The following NCAN variants were observed in gnomAD, a reference collection of about 807,000 sequenced individuals.
NCAN encodes the protein neurocan core protein.
In NCAN, 47 loss-of-function variants were observed where a neutral mutation model predicts 121.8. That is an observed-to-expected ratio of 0.39 (90% CI 0.31 to 0.49). NCAN has a LOEUF of 0.49. Among genes scored for constraint, NCAN ranks in the 20% least tolerant of loss-of-function variants. The pLI is 0.92. For missense variants in NCAN, 1,517 were observed against 1,773.4 expected (o/e 0.86, Z 2.60); for synonymous variants, 633 against 702.0 (o/e 0.90, Z 1.55).
chr19:19,235,030 A>G lies in NCAN; in HGVS notation c.3184A>G (p.Ile1062Val). Reference sequence around the variant, plus strand: ...CCCCTGTGAGAATGGAGGCACCTGTATTGATGAGGTCAATGGCTTTGTCTG... The same window carrying G: ...CCCCTGTGAGAATGGAGGCACCTGTGTTGATGAGGTCAATGGCTTTGTCTG... ...CSPCENGGTC[I>V]DEVNGFVCLC... Residue 1062 changes from isoleucine to valine, a missense_variant, in exon 10 of 15, where the codon ATT (isoleucine) becomes GTT (valine). Ile to Val is a conservative substitution (Grantham distance 29). Transcript: ENST00000252575. 6.2e-7 allele frequency: 1 copy of G among 1,613,264 alleles called. No homozygotes were observed. The highest frequency in any genetic ancestry group is 8.5e-7 in the Non-Finnish European group (1 of 1,179,386).
chr19:19,226,906 C>T lies in NCAN; in HGVS notation c.1493C>T (p.Pro498Leu), dbSNP rs1184953207. The change falls in exon 7 of 15, where the codon CCG becomes CTG. Residue 498 changes from proline (P) to leucine (L), a missense_variant. Coordinates refer to ENST00000252575, the MANE Select transcript of NCAN (RefSeq NM_004386.3). The part of the protein sequence containing the change: ...GRYFQQQEPE[P>L]GLQGGMEASA... Reference sequence around the variant, plus strand: ...TACTTCCAGCAGCAGGAACCGGAGCCGGGGCTGCAAGGGGGGATGGAGGCC... The same window carrying T: ...TACTTCCAGCAGCAGGAACCGGAGCTGGGGCTGCAAGGGGGGATGGAGGCC... 36 of 1,605,864 alleles carry T rather than the reference C, an allele frequency of 2.2e-5. No homozygotes were observed. The highest frequency in any genetic ancestry group is 1.7e-4 in the Middle Eastern group (1 of 5,964).
At chr19:19,233,570 G>A (rs1268040876) in intron 8 of NCAN, among the ~76,000 whole-genome samples, 1 of 152,180 alleles carries the variant, frequency 6.6e-6, no homozygotes, top group African/African-American at 2.4e-5. Context: ...CTACAGGCAG[G>A]AAAGTCCCCA....
intron 12 of NCAN, among the ~76,000 whole-genome samples, chr19:19,243,568 G>T (rs1372294228): frequency 6.6e-6 from 1 of 151,158 alleles, no homozygotes; most frequent in African/African-American, 2.4e-5. Flanking sequence ...AACAATGATG[G>T]TTATGCAACA....
At chr19:19,238,489 G>A (rs778974715) in intron 11 of NCAN, 78 bp downstream of exon 11, 26 of 1,545,146 alleles carry the variant, frequency 1.7e-5, no homozygotes, top group East Asian at 2.3e-5. Context: ...CCAGGGCATC[G>A]CATCCCTCCC....
chr19:19,245,277 G>C, intron 12 of NCAN, 36 bp from the exon 13 acceptor site: 1 of 1,609,696 alleles, frequency 6.2e-7, no homozygotes, highest in Non-Finnish European at 8.5e-7. Context: ...TGGAACAGAG[G>C]TCCCCTGAAC....
At chr19:19,216,307 C>T (rs1207022569) in intron 1 of NCAN, among the ~76,000 whole-genome samples, 2 of 151,372 alleles carry the variant, frequency 1.3e-5, no homozygotes, top group East Asian at 2.0e-4. Flanking sequence ...CGCCACCAAG[C>T]CCAGATAATT....
At chr19:19,234,935 G>A (rs1018868092) in intron 9 of NCAN, 48 bp from the exon 10 acceptor site, 2 of 1,316,290 alleles carry the variant, frequency 1.5e-6, no homozygotes, top group Non-Finnish European at 2.2e-6. Context: ...GGGGCTCAGA[G>A]CCAAGGGGAA....
rs749984964 is a variant in NCAN at position 19,212,543 on chromosome 19, C to T, written c.-8+479C>T. Among the ~76,000 whole-genome samples, 2 of 152,140 alleles carry T rather than the reference C, an allele frequency of 1.3e-5. No homozygotes were observed. The highest frequency in any genetic ancestry group is 2.9e-5 in the Non-Finnish European group (2 of 68,002). On this transcript the variant is annotated intron_variant, in intron 1 of 14. Transcript: ENST00000252575. The surrounding 1 kb of genome is among the most constrained non-coding windows in gnomAD (Gnocchi z 4.5). ...GGCCGGACTGCAGTGGGGAGGGGGC[C>T]CCCAGATCACCCTGTGCCCAATGGA...
Position 19,227,013 on chromosome 19 carries a change from A to G in NCAN, c.1600A>G (p.Ser534Gly), listed in dbSNP as rs774362759. 9 of 1,526,030 alleles carry G rather than the reference A, an allele frequency of 5.9e-6. No individual in the cohort carries two copies. The highest frequency in any genetic ancestry group is 6.2e-6 in the Non-Finnish European group (7 of 1,138,010). 94.5% of individuals were successfully genotyped at this position (1,526,030 alleles called of 1,614,324 possible). ...CATGGCAGTCACAGAGATGTTGGGCAGTGGCCAGAGCCGGAGCCCCTGGGC... is the reference window on the plus strand; with the variant it reads ...CATGGCAGTCACAGAGATGTTGGGCGGTGGCCAGAGCCGGAGCCCCTGGGC... Reference protein sequence around the residue: ...LAMAVTEMLGSGQSRSPWADL... With the variant: ...LAMAVTEMLGGGQSRSPWADL... Residue 534 changes from serine (S) to glycine (G), a missense_variant, in exon 7 of 15, where the codon AGT becomes GGT. Ser to Gly is a moderately conservative substitution (Grantham distance 56). Transcript: ENST00000252575. This position sits in a 1 kb window ranked among gnomAD's most constrained non-coding sequence, Gnocchi z 4.2.
At chr19:19,220,299 C>T (rs1307331329) in intron 3 of NCAN, among the ~76,000 whole-genome samples, 1 of 151,812 alleles carries the variant, frequency 6.6e-6, no homozygotes, top group African/African-American at 2.4e-5. Context: ...ACAAAGGATA[C>T]TGGCTTTCTA....
chr19:19,216,962 C>A lies in NCAN; in HGVS notation c.9C>A (p.Ala3=). 7.6e-7 allele frequency: 1 copy of A among 1,311,992 alleles called. No individual in the cohort carries two copies. The highest frequency in any genetic ancestry group is 9.8e-7 in the Non-Finnish European group (1 of 1,021,096). The allele number at this position is 1,311,992 out of a possible 1,614,324, so 81.3% of individuals were successfully genotyped here. The part of the protein sequence containing the change: MG[A]PFVWALGLLM... Reference sequence around the variant, plus strand: ...TTTGTTCCAGATCCAGGATGGGGGCCCCGTTTGTCTGGGCCTTGGGCCTTT... The same window carrying A: ...TTTGTTCCAGATCCAGGATGGGGGCACCGTTTGTCTGGGCCTTGGGCCTTT... Residue 3 remains alanine (A), a synonymous_variant, in exon 2 of 15, where the codon GCC becomes GCA. Transcript: ENST00000252575.
intron 1 of NCAN, among the ~76,000 whole-genome samples, chr19:19,213,343 C>G (rs1388853018): frequency 1.3e-5 from 2 of 151,848 alleles, no homozygotes; most frequent in Non-Finnish European, 2.9e-5. Flanking sequence ...GTGTCTTTGT[C>G]AGAAAACTTG....
chr19:19,234,819 C>T (rs2060875019), intron 9 of NCAN, among the ~76,000 whole-genome samples, 164 bp from the exon 10 acceptor site: 1 of 152,216 alleles, frequency 6.6e-6, no homozygotes, highest in South Asian at 2.1e-4. Flanking sequence ...GGTTCCACCC[C>T]CTTGCCTGCA....
At chr19:19,234,217 G>T (rs1568599889) in intron 9 of NCAN, among the ~76,000 whole-genome samples, 2 of 152,250 alleles carry the variant, frequency 1.3e-5, no homozygotes, top group East Asian at 1.9e-4. Context: ...GCCCTTTCCT[G>T]GGTCGGTGGG....
chr19:19,249,713 C>T lies in NCAN; in HGVS notation c.3821-53C>T, dbSNP rs185430765. 7.1e-6 allele frequency: 11 copies of T among 1,546,568 alleles called. No individual in the cohort carries two copies. The African/African-American group carries it at 1.4e-4, about 19-fold the overall frequency. On this transcript the variant is annotated intron_variant, in intron 14 of 14. Coordinates refer to ENST00000252575, the MANE Select transcript of NCAN (RefSeq NM_004386.3). ...CAAGGACACCCGCTGCATCAGGCCA[C>T]CTGCCTCTCACCACCTTTTGTCCCT...
rs754173966 is a variant in NCAN at position 19,248,883 on chromosome 19, G to A, written c.3820+1G>A. On this transcript the variant is annotated splice_donor_variant, in intron 14 of 14. Coordinates refer to ENST00000252575, the MANE Select transcript of NCAN (RefSeq NM_004386.3). LOFTEE classifies it high-confidence loss of function. ...AGGCCCCAAATTGTCTGCACCAAAC[G>A]TAAGTAGCTTCTCCCAGAGATCTCA... is the stretch of plus-strand genomic sequence containing the variant. 4 of 1,613,410 alleles carry A rather than the reference G, an allele frequency of 2.5e-6. No individual in the cohort carries two copies. Among genetic ancestry groups the A allele is most frequent in the Non-Finnish European group, 3.4e-6 (4 of 1,179,616 alleles).
chr19:19,241,196 C>A (rs1051777803), intron 12 of NCAN, among the ~76,000 whole-genome samples: 4 of 151,608 alleles, frequency 2.6e-5, no homozygotes, highest in Non-Finnish European at 5.9e-5. Flanking sequence ...GCGGAGGTTG[C>A]AGTGAGCCGA....
rs748478426 is a variant in NCAN, at chr19:19,219,335, AGGGGCCG to A, written c.475+30_475+36del. On this transcript the variant is annotated intron_variant, in intron 3 of 14. Coordinates refer to ENST00000252575, the MANE Select transcript of NCAN (RefSeq NM_004386.3). ...GTGACAGGTCAGTTGGGGGCAAAGG[AGGGGCCG>A]GGGGCCGGGGAGAGGGAGGGCTGAG... The A allele has an allele frequency of 2.0e-6, 3 of 1,481,346 alleles. No individual in the cohort carries two copies. In the South Asian group the frequency reaches 3.9e-5, roughly 19 times the overall value. 91.8% of individuals were successfully genotyped at this position (1,481,346 alleles called of 1,614,324 possible).
rs1442949921 is a variant in NCAN, at chr19:19,238,850, G to A, written c.3409+439G>A. ...GGCCAGGAGATGGAGGGTGATGGGA[G>A]AAGCACCTGTAATGTGTTCAAAGAC... On this transcript the variant is annotated intron_variant, in intron 11 of 14. Transcript: ENST00000252575. 1.4e-5 allele frequency: 4 copies of A among 286,680 alleles called. No individual in the cohort carries two copies. In the South Asian group the frequency reaches 1.4e-4, roughly 10 times the overall value. 17.8% of individuals were successfully genotyped at this position (286,680 alleles called of 1,614,324 possible).
Sources: gnomAD v4.1 joint callset for allele counts (sites outside exome capture counted in the v4.1 genomes callset) on GRCh38, gnomAD v4.1.1 for gene constraint, Gnocchi (gnomAD v3.1) non-coding constraint, MANE v1.5 for transcripts, NCBI Gene and HGNC (gene_info 2026-07-23, HGNC 2026-07-21) for gene names.